ATP8A2: variants seen among roughly 807,000 people sequenced by gnomAD.
ATP8A2 encodes the protein ATPase phospholipid transporting 8A2.
In ATP8A2, 100 loss-of-function variants were observed where a neutral mutation model predicts 165.6. That is an observed-to-expected ratio of 0.60 (90% CI 0.51 to 0.71). The LOEUF (loss-of-function observed/expected upper bound fraction) is 0.71. Among genes scored for constraint, ATP8A2 ranks in the 30% least tolerant of loss-of-function variants. The pLI is 0.00. For synonymous variants in ATP8A2, 543 were observed against 548.8 expected (o/e 0.99, Z 0.15); for missense variants, 1,227 against 1,479.5 (o/e 0.83, Z 2.80).
At chr13:25,559,134 A>G in intron 14 of ATP8A2, 73 bp downstream of exon 14, 1 of 1,029,342 alleles carries the variant, frequency 9.7e-7, no homozygotes, top group Non-Finnish European at 1.5e-6. Flanking sequence ...TTAGCTACTT[A>G]GTCAAATATC....
At chr13:25,740,934 A>G (rs192984152) in intron 25 of ATP8A2, among the ~76,000 whole-genome samples, 50 of 152,338 alleles carry the variant, frequency 3.3e-4, no homozygotes, top group African/African-American at 1.2e-3. Context: ...TGGTGAGCCA[A>G]TGGAAGCCAA....
intron 6 of ATP8A2, among the ~76,000 whole-genome samples, chr13:25,535,351 A>G (rs937675969): frequency 9.9e-5 from 15 of 152,176 alleles, no homozygotes; most frequent in African/African-American, 3.1e-4. Flanking sequence ...GGTGGATCTC[A>G]GTGGCTTTGA....
At chr13:25,988,374 C>G (rs1956310823) in intron 35 of ATP8A2, among the ~76,000 whole-genome samples, 1 of 152,248 alleles carries the variant, frequency 6.6e-6, no homozygotes, top group African/African-American at 2.4e-5. Flanking sequence ...ATGCATCCAG[C>G]TCAGCCTCCA....
chr13:25,646,234 C>T (rs2041667187), intron 24 of ATP8A2, among the ~76,000 whole-genome samples: 1 of 152,080 alleles, frequency 6.6e-6, no homozygotes, highest in Non-Finnish European at 1.5e-5. Flanking sequence ...GTATAGCTAC[C>T]TCTGCTCTTC....
chr13:25,470,165 C>T (rs890739181), intron 2 of ATP8A2, among the ~76,000 whole-genome samples: 2 of 152,118 alleles, frequency 1.3e-5, no homozygotes, highest in Non-Finnish European at 2.9e-5. Context: ...AAAGGTCAGG[C>T]AGTTGGACAT....
intron 24 of ATP8A2, among the ~76,000 whole-genome samples, chr13:25,661,911 A>G (rs75371935): frequency 0.034 from 5,244 of 152,318 alleles, 155 homozygotes; most frequent in East Asian, 0.13. Flanking sequence ...TCATTCATTT[A>G]GAGATGGGTA....
At chr13:25,642,769 T>C (rs1375258412) in intron 24 of ATP8A2, among the ~76,000 whole-genome samples, 1 of 152,170 alleles carries the variant, frequency 6.6e-6, no homozygotes, top group Non-Finnish European at 1.5e-5. Context: ...CACACGTATG[T>C]TTATTGCGGC....
intron 30 of ATP8A2, among the ~76,000 whole-genome samples, chr13:25,849,702 A>C (rs1034009972): frequency 6.6e-6 from 1 of 152,154 alleles, no homozygotes; most frequent in Non-Finnish European, 1.5e-5. Context: ...TAATTTGGCT[A>C]ATCCTATGTT....
rs1383581997 is a variant in ATP8A2 at position 25,963,408 on chromosome 13, AAAG to A, written c.3272+1748_3272+1750del. ...GACTCCGTCTCAAAAAAAAAAAAAA[AAAG>A]AAAAGAAAAGAAAAAGAAAAAGAAA... On this transcript the variant is annotated intron_variant, in intron 34 of 36. Coordinates refer to ENST00000381655, the MANE Select transcript of ATP8A2 (RefSeq NM_016529.6). 8.9e-3 allele frequency among the ~76,000 whole-genome samples: 1,168 copies of A among 131,632 alleles called. 6 individuals carry two copies. The highest frequency in any genetic ancestry group is 0.02 in the Middle Eastern group (5 of 252). 86.4% of individuals were successfully genotyped at this position (131,632 alleles called of 152,430 possible).
At chr13:25,456,120 C>G (rs917837092) in intron 1 of ATP8A2, among the ~76,000 whole-genome samples, 2 of 152,176 alleles carry the variant, frequency 1.3e-5, no homozygotes, top group Non-Finnish European at 2.9e-5. Context: ...ACGGGATGTT[C>G]TTCTCCATCT....
At chr13:25,868,379 G>A (rs530323385) in intron 33 of ATP8A2, among the ~76,000 whole-genome samples, 1 of 152,258 alleles carries the variant, frequency 6.6e-6, no homozygotes, top group Non-Finnish European at 1.5e-5. Flanking sequence ...TCGTATTTTA[G>A]AAACCCGTGG....
At chr13:25,862,790 GTACTCTGGTTTGTTGTTA>G (rs1952396310) in intron 33 of ATP8A2, among the ~76,000 whole-genome samples, 1 of 152,070 alleles carries the variant, frequency 6.6e-6, no homozygotes, top group Non-Finnish European at 1.5e-5. Flanking sequence ...TTTTGATGTT[GTACTCTGGTTTGTTGTTA>G]TACTCTGCTG....
chr13:25,926,996 C>T, intron 33 of ATP8A2: 1 of 378,952 alleles, frequency 2.6e-6, no homozygotes, highest in Non-Finnish European at 5.5e-6. Context: ...ACTTTCCCTG[C>T]ATCCTGCTGT....
At chr13:25,836,735 G>T (rs554395995) in intron 28 of ATP8A2, among the ~76,000 whole-genome samples, 8 of 152,246 alleles carry the variant, frequency 5.3e-5, no homozygotes, top group Admixed American at 2.6e-4. Flanking sequence ...AATGTCTGTT[G>T]AATGAATAAA....
At position 25,589,681 on chromosome 13, in the gene ATP8A2, G is replaced by C; in HGVS notation, c.2193G>C (p.Leu731Phe). 1.2e-6 allele frequency: 2 copies of C among 1,610,036 alleles called. No homozygotes were observed. Among genetic ancestry groups the C allele is most frequent in the Non-Finnish European group, 1.7e-6 (2 of 1,176,746 alleles). Residue 731 changes from leucine (L) to phenylalanine (F), a missense_variant, in exon 24 of 37, where the codon TTG (leucine) becomes TTC (phenylalanine). Leu to Phe is a conservative substitution (Grantham distance 22, BLOSUM62 0). Coordinates refer to ENST00000381655, the MANE Select transcript of ATP8A2 (RefSeq NM_016529.6). ...CGCAGAATATGGCCCTTATCCTATT[G>C]AAGGAGGACTCTTTGGATGTAAGTA... ...LVSQNMALIL[L>F]KEDSLDATRA...
chr13:25,698,195 A>G (rs2042874709), intron 24 of ATP8A2, among the ~76,000 whole-genome samples: 1 of 151,668 alleles, frequency 6.6e-6, no homozygotes, highest in African/African-American at 2.4e-5. Flanking sequence ...GTTCATAGTC[A>G]TAAATTCACT....
intron 27 of ATP8A2, among the ~76,000 whole-genome samples, chr13:25,801,292 A>G (rs994549707): frequency 2.0e-5 from 3 of 152,136 alleles, no homozygotes; most frequent in African/African-American, 7.2e-5. Flanking sequence ...TGGGCTGTCT[A>G]GACTCGCTGT....
At chr13:25,718,627 G>A (rs915081544) in intron 25 of ATP8A2, among the ~76,000 whole-genome samples, 13 of 152,146 alleles carry the variant, frequency 8.5e-5, no homozygotes, top group African/African-American at 1.2e-4. Flanking sequence ...GAATGCTAAA[G>A]AGCCAGCTCC....
chr13:25,377,300 A>G (rs2032665684), intron 1 of ATP8A2, among the ~76,000 whole-genome samples: 1 of 152,256 alleles, frequency 6.6e-6, no homozygotes, highest in African/African-American at 2.4e-5. Context: ...TGCTCAGCAC[A>G]AATGTTAACA....
Sources: allele counts gnomAD v4.1 joint callset (sites outside exome capture counted in the v4.1 genomes callset), GRCh38; gene constraint gnomAD v4.1.1; transcripts MANE v1.5; gene names NCBI Gene and HGNC (gene_info 2026-07-23, HGNC 2026-07-21).